ZNF638: variants seen among roughly 807,000 people sequenced by gnomAD.
ZNF638 encodes zinc finger protein 638, also known as CTCL tumor antigen se33-1.
A neutral mutation model predicts 195.6 loss-of-function variants in ZNF638; 46 were observed. The ratio of observed to expected loss-of-function variants is 0.24; its 90% CI spans 0.19 to 0.30. The LOEUF (loss-of-function observed/expected upper bound fraction) is 0.30, where lower values mean the gene tolerates loss of function less well. Among genes scored for constraint, ZNF638 ranks in the 10% least tolerant of loss-of-function variants. The pLI is 1.00. For missense variants in ZNF638, 2,440 were observed against 2,325.3 expected (o/e 1.05, Z -1.01); for synonymous variants, 845 against 772.0 (o/e 1.09, Z -1.57).
rs770325240 is a variant in ZNF638, at chr2:71,427,226, G to A, written c.5357G>A (p.Gly1786Glu). 3.3e-5 allele frequency: 54 copies of A among 1,612,304 alleles called. No individual in the cohort carries two copies. In the South Asian group the frequency reaches 4.4e-4, roughly 13 times the overall value. Residue 1786 changes from glycine (G) to glutamate (E), a missense_variant, in exon 24 of 28, where the codon GGA becomes GAA. Coordinates refer to ENST00000264447, the MANE Select transcript of ZNF638 (RefSeq NM_014497.5). ...GATGAAGTTGGAGAGGAGGAAGATG[G>A]AGATAATGATTTAAAAGTTGAGTTA... Reference protein sequence around the residue: ...TVDEVGEEEDGDNDLKVELAQ... With the variant: ...TVDEVGEEEDEDNDLKVELAQ...
chr2:71,424,911 A>G (rs1005037695), intron 23 of ZNF638, among the ~76,000 whole-genome samples, 196 bp downstream of exon 23: 6 of 152,152 alleles, frequency 3.9e-5, no homozygotes, highest in African/African-American at 1.4e-4. Flanking sequence ...TAGTCTAAAC[A>G]CCTTGTGTTT....
chr2:71,406,506 T>C (rs1337618968), intron 19 of ZNF638, among the ~76,000 whole-genome samples: 9 of 152,028 alleles, frequency 5.9e-5, no homozygotes, highest in African/African-American at 9.7e-5. Flanking sequence ...AAAGGTAATA[T>C]AGTGTAGACA....
chr2:71,381,892 C>T (rs2079540631), intron 10 of ZNF638, among the ~76,000 whole-genome samples: 1 of 152,016 alleles, frequency 6.6e-6, no homozygotes, highest in Non-Finnish European at 1.5e-5. Flanking sequence ...TATGGAGCCA[C>T]TCACTAATTG....
intron 21 of ZNF638, among the ~76,000 whole-genome samples, chr2:71,421,363 T>C (rs2152600467): frequency 1.2e-5 from 1 of 83,062 alleles, no homozygotes; most frequent in Middle Eastern, 5.7e-3. Context: ...GTGTGATTAT[T>C]TTAAAAAAAA....
At chr2:71,427,876 G>A (rs2080571468) in intron 24 of ZNF638, among the ~76,000 whole-genome samples, 1 of 152,140 alleles carries the variant, frequency 6.6e-6, no homozygotes, top group Non-Finnish European at 1.5e-5. Context: ...GAACTTGAGG[G>A]AGATAAACAT....
In ZNF638 at chr2:71,423,445, G is replaced by A; in HGVS notation, c.3931G>A (p.Glu1311Lys). Residue 1311 changes from glutamate to lysine, a missense_variant, in exon 22 of 28, where the codon GAG becomes AAG. By Grantham distance (56) the Glu-to-Lys change is moderately conservative. Transcript: ENST00000264447. ...AAAAAAAGGTAACATGGATGAAAAG[G>A]AGGAGAAGGAATTTAATACTAAGGA... ...SEKKGNMDEK[E>K]EKEFNTKETR... 6.2e-7 allele frequency: 1 copy of A among 1,613,432 alleles called. No homozygotes were observed. The highest frequency in any genetic ancestry group is 8.5e-7 in the Non-Finnish European group (1 of 1,179,884).
At chr2:71,393,299 GT>G (rs2079823410) in intron 10 of ZNF638, 7 of 635,730 alleles carry the variant, frequency 1.1e-5, no homozygotes, top group South Asian at 9.4e-5. Context: ...AAAACCCGCA[GT>G]TTTATGGAAA....
intron 24 of ZNF638, 134 bp from the exon 25 acceptor site, chr2:71,428,410 TAGC>T (rs756578531): frequency 1.1e-5 from 6 of 569,760 alleles, no homozygotes; most frequent in South Asian, 2.7e-5. Flanking sequence ...TATTTTATAT[TAGC>T]AGTAGGCTTC....
chr2:71,380,400 A>G, intron 9 of ZNF638, 113 bp from the exon 10 acceptor site: 1 of 1,113,920 alleles, frequency 9.0e-7, no homozygotes, highest in Non-Finnish European at 1.3e-6. Context: ...TAAGAGGGAT[A>G]TCACTCCAGT....
chr2:71,349,863 A>C lies in ZNF638; in HGVS notation c.909A>C (p.Ser303=). The C allele has an allele frequency of 6.2e-7, 1 of 1,614,214 alleles. No homozygotes were observed. Among genetic ancestry groups the C allele is most frequent in the South Asian group, 1.1e-5 (1 of 91,086 alleles). Residue 303 remains serine (S), a synonymous_variant, in exon 2 of 28, where the codon TCA becomes TCC. Coordinates refer to ENST00000264447, the MANE Select transcript of ZNF638 (RefSeq NM_014497.5). ...MSGLHISGGQ[S]VLEPIKSVNQ... is the part of the protein sequence containing the mutation. ...GCTTACACATTTCAGGAGGACAGTC[A>C]GTCCTTGAACCCATAAAATCCGTCA...
At chr2:71,393,570 C>A (rs1288238505) in intron 10 of ZNF638, 5 of 718,034 alleles carry the variant, frequency 7.0e-6, no homozygotes, top group Non-Finnish European at 5.2e-6. Context: ...AGACAACTTA[C>A]AAGGCTGAGC....
At chr2:71,340,690 G>A (rs1319303361) in intron 1 of ZNF638, among the ~76,000 whole-genome samples, 1 of 152,006 alleles carries the variant, frequency 6.6e-6, no homozygotes, top group African/African-American at 2.4e-5. Flanking sequence ...TTTCTTTTTG[G>A]GGGGCGGATT....
chr2:71,340,878 T>C (rs2078751871), intron 1 of ZNF638, among the ~76,000 whole-genome samples: 1 of 152,232 alleles, frequency 6.6e-6, no homozygotes, highest in Non-Finnish European at 1.5e-5. Context: ...ATTGTGAAGC[T>C]CAGACGAGAT....
chr2:71,398,332 A>G (rs2079937849), intron 11 of ZNF638, among the ~76,000 whole-genome samples: 1 of 152,122 alleles, frequency 6.6e-6, no homozygotes, highest in Admixed American at 6.6e-5. Context: ...ACAGTGTTTT[A>G]AATAATTTTG....
chr2:71,333,914 G>A (rs1373738141), intron 1 of ZNF638, among the ~76,000 whole-genome samples: 1 of 152,132 alleles, frequency 6.6e-6, no homozygotes, highest in Non-Finnish European at 1.5e-5. Flanking sequence ...GAAGTGCTTA[G>A]GCAGCATTGT....
rs374822402 is a variant in ZNF638 at position 71,406,141 on chromosome 2, C to T, written c.3014C>T (p.Thr1005Ile). The T allele has an allele frequency of 6.2e-6, 10 of 1,613,290 alleles. No homozygotes were observed. The highest frequency in any genetic ancestry group is 8.5e-6 in the Non-Finnish European group (10 of 1,179,550). The part of the protein sequence containing the change: ...KENDPEANID[T>I]IYDRFVHLDN... ...AAAAAACTACAGGCAAACATAGATACAATTTATGATCGATTTGTACATCTT... is the reference window on the plus strand; with the variant it reads ...AAAAAACTACAGGCAAACATAGATATAATTTATGATCGATTTGTACATCTT... The change falls in exon 19 of 28, where the codon ACA becomes ATA. Residue 1005 changes from threonine (T) to isoleucine (I), a missense_variant. Physicochemically the swap from Thr to Ile is moderately conservative, Grantham distance 89. Around this residue, in one of 5 missense-constraint regions of ZNF638, gnomAD observed 1,883 missense variants for 1,739.1 expected, o/e 1.08. Transcript: ENST00000264447.
chr2:71,419,969 C>CA (rs1402961186), intron 21 of ZNF638, among the ~76,000 whole-genome samples: 1 of 89,226 alleles, frequency 1.1e-5, no homozygotes, highest in Non-Finnish European at 2.2e-5. Flanking sequence ...CCCACCCCCC[C>CA]CCGCCTTTTT....
At chr2:71,335,620 C>G (rs1457401086) in intron 1 of ZNF638, among the ~76,000 whole-genome samples, 2 of 152,128 alleles carry the variant, frequency 1.3e-5, no homozygotes, top group South Asian at 2.1e-4. Context: ...CTAATTCATT[C>G]ATGTGCCTGT....
chr2:71,367,082 A>C (rs1033742306), intron 6 of ZNF638, among the ~76,000 whole-genome samples: 27 of 152,258 alleles, frequency 1.8e-4, no homozygotes, highest in Non-Finnish European at 3.7e-4. Flanking sequence ...TAGAAGGATA[A>C]ACTTCTGATA....
Sources: gnomAD v4.1 joint callset for allele counts (sites outside exome capture counted in the v4.1 genomes callset) on GRCh38, gnomAD v4.1.1 for gene constraint, gnomAD v4.1.1 regional missense constraint, MANE v1.5 for transcripts, NCBI Gene and HGNC (gene_info 2026-07-23, HGNC 2026-07-21) for gene names.